The following ROBO2 variants were observed in gnomAD, a reference collection of about 807,000 sequenced individuals.
The protein encoded by ROBO2 is roundabout guidance receptor 2, also known as roundabout homolog 2.
ROBO2 carries 53 observed loss-of-function variants against 160.8 expected under a neutral mutation model. The observed-to-expected ratio is 0.33, with a 90% CI of 0.26 to 0.41. ROBO2 has a LOEUF of 0.41. Ranked by LOEUF, ROBO2 falls within the 10% of genes least tolerant of loss-of-function variation. ROBO2 has a pLI of 1.00. For missense variants in ROBO2, 1,577 were observed against 1,722.4 expected (o/e 0.92, Z 1.49); for synonymous variants, 664 against 611.7 (o/e 1.09, Z -1.26).
At chr3:76,481,370 G>A in intron 2 of ROBO2, among the ~76,000 whole-genome samples, 1 of 152,126 alleles carries the variant, frequency 6.6e-6, no homozygotes, top group East Asian at 1.9e-4. Context: ...CAGGGATATA[G>A]AAGCCAGAGG....
chr3:75,922,636 T>C (rs957077402), intron 1 of ROBO2, among the ~76,000 whole-genome samples: 8 of 152,042 alleles, frequency 5.3e-5, no homozygotes, highest in Admixed American at 3.3e-4. Flanking sequence ...TTAAACAAAA[T>C]GCAAAAACAA....
chr3:76,563,237 T>A (rs952806607), intron 2 of ROBO2, among the ~76,000 whole-genome samples: 2 of 152,186 alleles, frequency 1.3e-5, no homozygotes, highest in African/African-American at 4.8e-5. Flanking sequence ...CATCAGACAC[T>A]CTGCACATCA....
intron 2 of ROBO2, among the ~76,000 whole-genome samples, chr3:76,186,445 C>A (rs1701767538): frequency 6.6e-6 from 1 of 152,044 alleles, no homozygotes; most frequent in South Asian, 2.1e-4. Context: ...TCTCATGTGT[C>A]TTTACCTTCC....
intron 2 of ROBO2, among the ~76,000 whole-genome samples, chr3:76,787,287 T>G (rs1434708724): frequency 1.3e-5 from 2 of 150,614 alleles, no homozygotes; most frequent in Non-Finnish European, 3.0e-5. Context: ...TGTCACAACA[T>G]GTGAAGTTTG....
chr3:76,132,397 G>A (rs114968368), intron 2 of ROBO2, among the ~76,000 whole-genome samples: 10 of 115,598 alleles, frequency 8.7e-5, no homozygotes, highest in East Asian at 3.5e-4. Flanking sequence ...AGACTGTTGG[G>A]GGGGGGGGGG....
intron 2 of ROBO2, among the ~76,000 whole-genome samples, chr3:76,803,740 C>T (rs1015948512): frequency 6.6e-6 from 1 of 152,026 alleles, no homozygotes. Context: ...TTTATACACT[C>T]GACTCAAGTT....
At chr3:76,440,337 G>C (rs2076870162) in intron 2 of ROBO2, among the ~76,000 whole-genome samples, 1 of 151,908 alleles carries the variant, frequency 6.6e-6, no homozygotes, top group Admixed American at 6.6e-5. Context: ...TGCCATGTTG[G>C]TGTGCTGCAC....
chr3:77,265,565 T>A (rs1355466584), intron 2 of ROBO2, among the ~76,000 whole-genome samples: 4 of 152,170 alleles, frequency 2.6e-5, no homozygotes, highest in African/African-American at 9.6e-5. Flanking sequence ...TAAGTCATGC[T>A]CCTTGAGACT....
chr3:76,168,792 A>C (rs1476898338), intron 2 of ROBO2, among the ~76,000 whole-genome samples: 5 of 151,970 alleles, frequency 3.3e-5, no homozygotes, highest in African/African-American at 1.2e-4. Context: ...AGTGTAATGC[A>C]ATGTAAAAAT....
chr3:77,232,441 G>A (rs1473357309), intron 2 of ROBO2, among the ~76,000 whole-genome samples: 1 of 152,068 alleles, frequency 6.6e-6, no homozygotes, highest in African/African-American at 2.4e-5. Context: ...CAAGAATGGT[G>A]AATCTGATAA....
At chr3:76,529,580 A>G (rs1194277162) in intron 2 of ROBO2, among the ~76,000 whole-genome samples, 1 of 152,194 alleles carries the variant, frequency 6.6e-6, no homozygotes, top group Non-Finnish European at 1.5e-5. Context: ...TGTGTGAATT[A>G]TGATGGAAAT....
intron 5 of ROBO2, among the ~76,000 whole-genome samples, chr3:77,510,340 T>A (rs2089228975): frequency 6.6e-6 from 1 of 151,296 alleles, no homozygotes; most frequent in African/African-American, 2.4e-5. Context: ...GTAGAGAAAA[T>A]AAAGAAGATA....
intron 2 of ROBO2, among the ~76,000 whole-genome samples, chr3:76,539,014 A>T (rs1169099031): frequency 6.6e-6 from 1 of 152,226 alleles, no homozygotes; most frequent in Admixed American, 6.5e-5. Flanking sequence ...CTATGTGGCC[A>T]TAAAAAACAA....
chr3:77,346,031 AT>A (rs1335802670), intron 2 of ROBO2, among the ~76,000 whole-genome samples: 14 of 152,086 alleles, frequency 9.2e-5, no homozygotes, highest in African/African-American at 2.9e-4. Context: ...AATTTTAGTA[AT>A]TTTAGTACAA....
intron 2 of ROBO2, among the ~76,000 whole-genome samples, chr3:76,272,946 A>AAT (rs1203336890): frequency 1.0e-4 from 3 of 28,882 alleles, no homozygotes; most frequent in African/African-American, 1.7e-4. Flanking sequence ...AAATATATAA[A>AAT]ATATATAATA....
At chr3:76,605,855 A>G (rs1387446869) in intron 2 of ROBO2, among the ~76,000 whole-genome samples, 1 of 152,126 alleles carries the variant, frequency 6.6e-6, no homozygotes, top group Non-Finnish European at 1.5e-5. Context: ...TGGAAGATTT[A>G]CTTTGCTTCA....
At chr3:76,183,538 T>C (rs184242206) in intron 2 of ROBO2, among the ~76,000 whole-genome samples, 47 of 152,216 alleles carry the variant, frequency 3.1e-4, no homozygotes, top group East Asian at 1.4e-3. Context: ...TTCATTTATT[T>C]ATTCATTCAT....
Position 77,393,802 on chromosome 3 carries a change from A to G in ROBO2, c.389-83612A>G, listed in dbSNP as rs115336065. 2.1e-3 allele frequency among the ~76,000 whole-genome samples: 320 copies of G among 151,924 alleles called. 4 individuals are homozygous for G. The highest frequency in any genetic ancestry group is 6.4e-3 in the African/African-American group (267 of 41,514). On this transcript the variant is annotated intron_variant, in intron 2 of 25. Coordinates refer to ENST00000461745, the Ensembl canonical transcript of ROBO2. ...AGCTGTTGAATATTTAACTCAATCA[A>G]TGTGGTTGTTTCTTACAATGAAATC...
chr3:76,113,983 T>C (rs1029706532), intron 2 of ROBO2, among the ~76,000 whole-genome samples: 5 of 152,166 alleles, frequency 3.3e-5, no homozygotes, highest in Non-Finnish European at 4.4e-5. Flanking sequence ...GCTTCTGCCA[T>C]AAGTAAAAGC....
Sources: allele counts gnomAD v4.1 joint callset (sites outside exome capture counted in the v4.1 genomes callset), GRCh38; gene constraint gnomAD v4.1.1; transcripts MANE v1.5; gene names NCBI Gene and HGNC (gene_info 2026-07-23, HGNC 2026-07-21).